The following GALNT18 variants were observed in gnomAD, a reference collection of about 807,000 sequenced individuals.
GALNT18 encodes GalNAc-transferase 18.
GALNT18 carries 44 observed loss-of-function variants against 69.5 expected under a neutral mutation model. The observed-to-expected ratio is 0.63, with a 90% confidence interval of 0.50 to 0.81. GALNT18 has a LOEUF of 0.81. Among genes scored for constraint, GALNT18 ranks in the 40% least tolerant of loss-of-function variants. The pLI is 0.00. For missense variants in GALNT18, 715 were observed against 810.0 expected, an observed-to-expected ratio of 0.88 and a Z score of 1.42; for synonymous variants, 364 against 318.2, an observed-to-expected ratio of 1.14 and a Z score of -1.53.
At position 11,341,674 on chromosome 11, in the gene GALNT18, A is replaced by T. The variant is rs1414375567; in HGVS notation, c.1093-670T>A. On this transcript the variant is annotated intron_variant, in intron 6 of 10. Coordinates refer to ENST00000227756, the MANE Select transcript of GALNT18 (RefSeq NM_198516.3). The surrounding 1 kb of genome is among the most constrained non-coding windows in gnomAD (Gnocchi z 6.3). ...CTAAGTGTTAATGGGCAGCATCTCA[A>T]AGCTCTCGCTACAATCTTTCCAGCC... 6.6e-6 allele frequency among the ~76,000 whole-genome samples: 1 copy of T among 152,208 alleles called. No individual in the cohort carries two copies. Among genetic ancestry groups the T allele is most frequent in the East Asian group, 1.9e-4 (1 of 5,190 alleles).
intron 9 of GALNT18, among the ~76,000 whole-genome samples, chr11:11,303,146 G>A (rs899089748): frequency 3.3e-5 from 5 of 152,148 alleles, no homozygotes; most frequent in Non-Finnish European, 5.9e-5. Context: ...CCCTCTGCCT[G>A]GGGGACTTTT....
At chr11:11,289,097 C>T (rs1443193547) in intron 10 of GALNT18, among the ~76,000 whole-genome samples, 1 of 152,068 alleles carries the variant, frequency 6.6e-6, no homozygotes, top group Non-Finnish European at 1.5e-5. Context: ...GAAAATTAGC[C>T]CAAGCACAAG....
chr11:11,340,750 G>T lies in GALNT18; in HGVS notation c.1278+69C>A, dbSNP rs571137892. 4.2e-6 allele frequency: 6 copies of T among 1,429,376 alleles called. No homozygotes were observed. The South Asian group carries it at 8.1e-5, about 19-fold the overall frequency. The allele number at this position is 1,429,376 out of a possible 1,614,324, so 88.5% of individuals were successfully genotyped here. On this transcript the variant is annotated intron_variant, in intron 7 of 10. Coordinates refer to ENST00000227756, the MANE Select transcript of GALNT18 (RefSeq NM_198516.3). This position sits in a 1 kb window ranked among gnomAD's most constrained non-coding sequence, Gnocchi z 4.2. ...GGCTGACCCATAGGAAGAAGGGTTC[G>T]GTCCCATATCTTGTTTTGTTTGTTT...
rs145293939 is a variant in GALNT18, at chr11:11,586,300, A to G, written c.235+35059T>C. On this transcript the variant is annotated intron_variant, in intron 1 of 10. Transcript: ENST00000227756. This position sits in a 1 kb window ranked among gnomAD's most constrained non-coding sequence, Gnocchi z 4.1. ...TTTATTATTGCCATTGTTAAATAAA[A>G]TAATTATTTTGAAATTTTCTCAGTT... 6.6e-6 allele frequency among the ~76,000 whole-genome samples: 1 copy of G among 152,334 alleles called. No individual in the cohort carries two copies. The highest frequency in any genetic ancestry group is 2.4e-5 in the African/African-American group (1 of 41,580).
chr11:11,597,244 A>C (rs1859521903), intron 1 of GALNT18, among the ~76,000 whole-genome samples: 2 of 152,144 alleles, frequency 1.3e-5, no homozygotes, highest in South Asian at 4.2e-4. Flanking sequence ...ATATGGTCTG[A>C]GGTTTTCTTT....
intron 6 of GALNT18, among the ~76,000 whole-genome samples, chr11:11,345,881 G>A (rs1050169188): frequency 1.3e-5 from 2 of 152,136 alleles, no homozygotes; most frequent in African/African-American, 2.4e-5. Flanking sequence ...TTACACATAC[G>A]ATGGTGAGGG....
At chr11:11,507,066 C>A (rs1236450225) in intron 1 of GALNT18, among the ~76,000 whole-genome samples, 1 of 152,186 alleles carries the variant, frequency 6.6e-6, no homozygotes, top group African/African-American at 2.4e-5. Flanking sequence ...TGTGGGCAAA[C>A]AAACAGAGGT....
At chr11:11,279,793 A>G (rs1465233763) in intron 10 of GALNT18, among the ~76,000 whole-genome samples, 7 of 152,178 alleles carry the variant, frequency 4.6e-5, no homozygotes, top group Admixed American at 3.9e-4. Flanking sequence ...TAGCAGTCCT[A>G]TTTCCTGAGC....
chr11:11,521,861 T>C (rs772575487), intron 1 of GALNT18, among the ~76,000 whole-genome samples: 1 of 152,236 alleles, frequency 6.6e-6, no homozygotes, highest in Non-Finnish European at 1.5e-5. Flanking sequence ...CAGAGCCAAA[T>C]GGGTGGCTGC....
At chr11:11,456,832 G>T (rs1048014445) in intron 1 of GALNT18, among the ~76,000 whole-genome samples, 1 of 152,168 alleles carries the variant, frequency 6.6e-6, no homozygotes, top group African/African-American at 2.4e-5. Flanking sequence ...GGGCACCTGG[G>T]AAATGCCATA....
chr11:11,609,659 A>G (rs138688679), intron 1 of GALNT18, among the ~76,000 whole-genome samples: 245 of 152,316 alleles, frequency 1.6e-3, no homozygotes, highest in African/African-American at 5.5e-3. Flanking sequence ...GGAACTTGGA[A>G]GCACATCTGC....
At position 11,435,711 on chromosome 11, in the gene GALNT18, T is replaced by A. The variant is rs939474077; in HGVS notation, c.429-2924A>T. ...TTGCTTGTTTTATCTACGGCCTACA[T>A]TTTGAGTGTCTGCCGCTGATGTCAG... On this transcript the variant is annotated intron_variant, in intron 2 of 10. Transcript: ENST00000227756. The surrounding 1 kb of genome is among the most constrained non-coding windows in gnomAD (Gnocchi z 4.4). Among the ~76,000 whole-genome samples, 23 of 152,298 alleles carry A rather than the reference T, an allele frequency of 1.5e-4. No homozygotes were observed. The highest frequency in any genetic ancestry group is 6.8e-3 in the Middle Eastern group (2 of 294).
In GALNT18 at chr11:11,444,544, G is replaced by T. The variant is rs936169388; in HGVS notation, c.428+4200C>A. ...ACGAGGCCTAGCAACTGGCTGGACCGATGTTTTTCCTTCTAGTTGTGTCCT... is the reference window on the plus strand; with the variant it reads ...ACGAGGCCTAGCAACTGGCTGGACCTATGTTTTTCCTTCTAGTTGTGTCCT... On this transcript the variant is annotated intron_variant, in intron 2 of 10. Coordinates refer to ENST00000227756, the MANE Select transcript of GALNT18 (RefSeq NM_198516.3). This position sits in a 1 kb window ranked among gnomAD's most constrained non-coding sequence, Gnocchi z 4.4. Among the ~76,000 whole-genome samples the T allele has an allele frequency of 1.3e-5, 2 of 152,186 alleles. No individual in the cohort carries two copies. The highest frequency in any genetic ancestry group is 4.8e-5 in the African/African-American group (2 of 41,450).
intron 1 of GALNT18, among the ~76,000 whole-genome samples, chr11:11,499,627 T>C (rs1426491522): frequency 1.3e-5 from 2 of 152,186 alleles, no homozygotes; most frequent in African/African-American, 4.8e-5. Flanking sequence ...TCTGCCCTGT[T>C]CCAGCCCTGA....
At chr11:11,417,706 G>A (rs1854899006) in intron 3 of GALNT18, among the ~76,000 whole-genome samples, 1 of 152,116 alleles carries the variant, frequency 6.6e-6, no homozygotes, top group South Asian at 2.1e-4. Flanking sequence ...TATTCACACT[G>A]TCTAGCCTTG....
chr11:11,357,279 C>T (rs994553884), intron 6 of GALNT18, among the ~76,000 whole-genome samples: 7 of 152,158 alleles, frequency 4.6e-5, no homozygotes, highest in Non-Finnish European at 8.8e-5. Context: ...CAACTACTCT[C>T]TCAAGGTCAA....
intron 6 of GALNT18, among the ~76,000 whole-genome samples, chr11:11,351,788 A>AT (rs202001941): frequency 0.024 from 3,491 of 145,900 alleles, 107 homozygotes; most frequent in African/African-American, 0.078. Flanking sequence ...GCCTATTATA[A>AT]TTTTTTTTTA....
At position 11,587,358 on chromosome 11, in the gene GALNT18, C is replaced by G. The variant is rs543017677; in HGVS notation, c.235+34001G>C. ...GCTGGAAATGCCATGATTCCCATGT[C>G]AGTACGCCACGTATGCTGACCCCAT... On this transcript the variant is annotated intron_variant, in intron 1 of 10. Coordinates refer to ENST00000227756, the MANE Select transcript of GALNT18 (RefSeq NM_198516.3). The surrounding 1 kb of genome is among the most constrained non-coding windows in gnomAD (Gnocchi z 4.4). 2.4e-4 allele frequency among the ~76,000 whole-genome samples: 36 copies of G among 152,354 alleles called. No individual in the cohort carries two copies. Among genetic ancestry groups the G allele is most frequent in the African/African-American group, 8.2e-4 (34 of 41,586 alleles).
In GALNT18 at chr11:11,379,084, C is replaced by T. The variant is rs1474809854; in HGVS notation, c.776G>A (p.Gly259Asp). The T allele has an allele frequency of 6.3e-7, 1 of 1,597,388 alleles. No individual in the cohort carries two copies. The highest frequency in any genetic ancestry group is 1.1e-5 in the South Asian group (1 of 89,256). Residue 259 changes from glycine (G) to aspartate (D), a missense_variant, in exon 4 of 11, where the codon GGC becomes GAC. By Grantham distance (94) the Gly-to-Asp change is moderately conservative. Coordinates refer to ENST00000227756, the MANE Select transcript of GALNT18 (RefSeq NM_198516.3). The part of the protein sequence containing the change: ...LFDAHVEFNV[G>D]WAEPVLTRIK... Reference sequence around the variant, plus strand: ...TCCTCTCCCAAGGGGCACTTACCAGCCCACATTGAACTCCACGTGGGCATC... The same window carrying T: ...TCCTCTCCCAAGGGGCACTTACCAGTCCACATTGAACTCCACGTGGGCATC...
Sources: allele counts gnomAD v4.1 joint callset (sites outside exome capture counted in the v4.1 genomes callset), GRCh38; gene constraint gnomAD v4.1.1; non-coding constraint Gnocchi (gnomAD v3.1); transcripts MANE v1.5; gene names NCBI Gene and HGNC (gene_info 2026-07-23, HGNC 2026-07-21).